The following RTN4 variants were observed in gnomAD, a reference collection of about 807,000 sequenced individuals.
RTN4 encodes reticulon 4.
RTN4 carries 32 observed loss-of-function variants against 90.4 expected under a neutral mutation model. The ratio of observed to expected loss-of-function variants is 0.35; its 90% CI spans 0.27 to 0.48. The LOEUF (loss-of-function observed/expected upper bound fraction) is 0.48, where lower values mean the gene tolerates loss of function less well. RTN4 is among the 20% of genes least tolerant of loss of function. The pLI, the probability that RTN4 is intolerant of heterozygous loss-of-function variation, is 0.99. For missense variants in RTN4, 1,706 were observed against 1,430.2 expected (o/e 1.19, Z -3.11); for synonymous variants, 629 against 552.5 (o/e 1.14, Z -1.94).
the RTN4 span, among the ~76,000 whole-genome samples, chr2:55,132,813 C>CAAAA: frequency 3.1e-4 from 36 of 116,036 alleles, no homozygotes; most frequent in African/African-American, 9.7e-4. Context: ...GACCGTCTCT[C>CAAAA]AAAAAAAAAA....
the RTN4 span, among the ~76,000 whole-genome samples, chr2:55,133,374 T>A: frequency 2.0e-5 from 3 of 152,214 alleles, no homozygotes; most frequent in Non-Finnish European, 4.4e-5. Flanking sequence ...TTCAGTTTAT[T>A]TGTTCCCTCT....
chr2:55,043,187 T>C (rs541255508), intron 1 of RTN4, among the ~76,000 whole-genome samples: 59 of 152,316 alleles, frequency 3.9e-4, no homozygotes, highest in African/African-American at 1.2e-3. Context: ...CTGAGAACTA[T>C]GGTTTTACCA....
In RTN4 at chr2:54,982,625, A is replaced by AT; in HGVS notation, c.3249dup (p.Ser1084IlefsTer2). 1 of 1,611,134 alleles carries AT rather than the reference A, an allele frequency of 6.2e-7. No individual in the cohort carries two copies. Among genetic ancestry groups the AT allele is most frequent in the Non-Finnish European group, 8.5e-7 (1 of 1,178,814 alleles). On this transcript the variant is annotated frameshift_variant, in exon 5 of 9. Transcript: ENST00000337526. LOFTEE classifies it high-confidence loss of function. Reference sequence around the variant, plus strand: ...CTGTACTTCTGAACCAACTCCTCAGATATAGCAACTTCAGATTCCAGATAT... The same window carrying AT: ...CTGTACTTCTGAACCAACTCCTCAGATTATAGCAACTTCAGATTCCAGATAT...
intron 1 of RTN4, among the ~76,000 whole-genome samples, chr2:55,040,507 G>T (rs1010128699): frequency 6.6e-6 from 1 of 152,050 alleles, no homozygotes; most frequent in African/African-American, 2.4e-5. Context: ...CTCAATAATG[G>T]CACCTTCCAT....
Position 55,049,943 on chromosome 2 carries a change from G to C in RTN4, c.358C>G (p.Pro120Ala). The C allele has an allele frequency of 1.5e-6, 2 of 1,350,488 alleles. No individual in the cohort carries two copies. Among genetic ancestry groups the C allele is most frequent in the Non-Finnish European group, 1.9e-6 (2 of 1,057,710 alleles). 83.7% of individuals were successfully genotyped at this position (1,350,488 alleles called of 1,614,324 possible). A position where few individuals can be genotyped will look rare whatever the true frequency, so the allele number is the denominator to read the frequency against. Residue 120 changes from proline (P) to alanine (A), a missense_variant, in exon 1 of 9, where the codon CCA (proline) becomes GCA (alanine). By Grantham distance (27) the Pro-to-Ala change is conservative (BLOSUM62 -1). Transcript: ENST00000337526. ...ACTGCGGCAGCAGACAGCGGGGATG[G>C]CGCGGGCACGGTCGACGACACCGGG... is the stretch of plus-strand genomic sequence containing the variant. ...PSPVSSTVPA[P>A]SPLSAAAVSP...
At chr2:55,031,705 T>A (rs1270448266) in intron 1 of RTN4, among the ~76,000 whole-genome samples, 1 of 152,222 alleles carries the variant, frequency 6.6e-6, no homozygotes, top group Non-Finnish European at 1.5e-5. Context: ...CCATGGCTCA[T>A]GAGCCCATAT....
At chr2:55,038,953 A>C (rs1320403847) in intron 1 of RTN4, among the ~76,000 whole-genome samples, 3 of 152,248 alleles carry the variant, frequency 2.0e-5, no homozygotes, top group African/African-American at 7.2e-5. Context: ...CAGCATCATT[A>C]GTAAGTCTTA....
rs34092425 is a variant in RTN4, at chr2:55,094,015, G to A, written c.-213-13376C>T. On this transcript the variant is annotated intron_variant, in intron 1 of 3. Coordinates refer to the RTN4 transcript ENST00000427710. ...CTAATATCCTACACTAATGTATCTG[G>A]GTGGCAGAGCGGATGGAGCCATAAT... Among the ~76,000 whole-genome samples the A allele has an allele frequency of 1.8e-4, 28 of 152,236 alleles. No individual in the cohort carries two copies. The East Asian group carries it at 5.2e-3, about 28-fold the overall frequency.
intron 3 of RTN4, among the ~76,000 whole-genome samples, chr2:55,015,720 G>C (rs1680984143): frequency 6.6e-6 from 1 of 152,136 alleles, no homozygotes; most frequent in East Asian, 1.9e-4. Context: ...GAATATTTAA[G>C]GAACGAGTCA....
chr2:55,039,408 T>C (rs1190581645), intron 1 of RTN4, among the ~76,000 whole-genome samples: 1 of 152,148 alleles, frequency 6.6e-6, no homozygotes, highest in African/African-American at 2.4e-5. Context: ...TGATCTATTG[T>C]AATATGTGGA....
intron 3 of RTN4, among the ~76,000 whole-genome samples, chr2:55,020,637 C>G (rs957367431): frequency 6.6e-6 from 1 of 152,168 alleles, no homozygotes; most frequent in Non-Finnish European, 1.5e-5. Flanking sequence ...CATCACAATA[C>G]CTTATTCATC....
At chr2:55,049,633 G>C (rs1352268523) in intron 1 of RTN4, 112 bp downstream of exon 1, 1 of 1,511,232 alleles carries the variant, frequency 6.6e-7, no homozygotes, top group Non-Finnish European at 9.0e-7. Flanking sequence ...GAAGTCCGCA[G>C]ACAAAGCGCC....
intron 1 of RTN4, among the ~76,000 whole-genome samples, chr2:55,028,639 C>T (rs895550599): frequency 2.0e-5 from 3 of 152,112 alleles, no homozygotes; most frequent in African/African-American, 4.8e-5. Flanking sequence ...AATGTTTAAT[C>T]TTTTGTTATT....
intron 1 of RTN4, among the ~76,000 whole-genome samples, chr2:55,046,334 C>T (rs1458089529): frequency 6.6e-6 from 1 of 152,102 alleles, no homozygotes; most frequent in African/African-American, 2.4e-5. Flanking sequence ...GTTAGAGACC[C>T]CCAATGATCT....
chr2:55,007,590 A>C (rs1189687422), intron 3 of RTN4, among the ~76,000 whole-genome samples: 1 of 152,094 alleles, frequency 6.6e-6, no homozygotes, highest in Non-Finnish European at 1.5e-5. Flanking sequence ...TACCAGAACC[A>C]AGGCTTAAAC....
At chr2:55,040,181 A>G (rs1433599028) in intron 1 of RTN4, among the ~76,000 whole-genome samples, 1 of 152,202 alleles carries the variant, frequency 6.6e-6, no homozygotes, top group Non-Finnish European at 1.5e-5. Flanking sequence ...TGCAAGCAAA[A>G]GCATCTAACA....
At chr2:55,080,562 C>G (rs1668692105) in exon 2 of RTN4, 1 of 152,088 alleles carries the variant, frequency 6.6e-6, no homozygotes, top group Non-Finnish European at 1.5e-5. Context: ...TTTTTATACC[C>G]TTCTTTAATG....
intron 1 of RTN4, among the ~76,000 whole-genome samples, chr2:55,097,619 G>A (rs1271112924): frequency 1.3e-5 from 2 of 152,154 alleles, no homozygotes; most frequent in African/African-American, 4.8e-5. Context: ...GTCAGAGGTA[G>A]AGCTGCAGAC....
At chr2:55,136,900 G>A in the RTN4 span, among the ~76,000 whole-genome samples, 1 of 152,204 alleles carries the variant, frequency 6.6e-6, no homozygotes, top group South Asian at 2.1e-4. Flanking sequence ...AGAGTGGGGA[G>A]CTGTTGTTAC....
Sources: allele counts gnomAD v4.1 joint callset (sites outside exome capture counted in the v4.1 genomes callset), GRCh38; gene constraint gnomAD v4.1.1; transcripts MANE v1.5; gene names NCBI Gene and HGNC (gene_info 2026-07-23, HGNC 2026-07-21).